ZFAT: variants seen among roughly 807,000 people sequenced by gnomAD.
ZFAT encodes zinc finger protein ZFAT.
In ZFAT, 64 loss-of-function variants were observed where a neutral mutation model predicts 117.7. The observed-to-expected ratio is 0.54, with a 90% CI of 0.44 to 0.67. The LOEUF (loss-of-function observed/expected upper bound fraction) is 0.67, where lower values mean the gene tolerates loss of function less well. Ranked by LOEUF, ZFAT falls within the 30% of genes least tolerant of loss-of-function variation. The pLI, the probability that ZFAT is intolerant of heterozygous loss-of-function variation, is 0.00. For missense variants in ZFAT, 1,433 were observed against 1,584.5 expected (o/e 0.90, Z 1.62); for synonymous variants, 679 against 615.0 (o/e 1.10, Z -1.54).
chr8:134,705,125 A>T (rs756975078), intron 1 of ZFAT, among the ~76,000 whole-genome samples: 1 of 152,190 alleles, frequency 6.6e-6, no homozygotes. Flanking sequence ...ACAACAAAAG[A>T]CAAATATCCA....
the ZFAT span, among the ~76,000 whole-genome samples, chr8:134,774,629 G>A: frequency 1.4e-4 from 22 of 152,284 alleles, no homozygotes; most frequent in East Asian, 4.0e-3. Context: ...ACAGTATATT[G>A]TAAATTTAAC....
intron 15 of ZFAT, among the ~76,000 whole-genome samples, chr8:134,507,859 T>C (rs1416537262): frequency 6.6e-6 from 1 of 152,130 alleles, no homozygotes; most frequent in Non-Finnish European, 1.5e-5. Flanking sequence ...CCTGATACCA[T>C]CCCAGAGAGA....
intron 1 of ZFAT, among the ~76,000 whole-genome samples, chr8:134,670,874 A>C (rs1832528620): frequency 6.6e-6 from 1 of 152,230 alleles, no homozygotes; most frequent in South Asian, 2.1e-4. Flanking sequence ...ATAAAGAAGA[A>C]AACAGAGAAG....
chr8:134,794,904 G>C, the ZFAT span: 2 of 152,226 alleles, frequency 1.3e-5, no homozygotes, highest in Non-Finnish European at 2.9e-5. Flanking sequence ...AAACAACTTT[G>C]TTGCTAGCAC....
the ZFAT span, chr8:134,793,945 A>G: frequency 6.6e-6 from 1 of 152,234 alleles, no homozygotes; most frequent in South Asian, 2.1e-4. Context: ...AATTTACAAG[A>G]CTATAACATT....
Position 134,600,686 on chromosome 8 carries a change from CAT to C in ZFAT, c.2243-20_2243-19del. The C allele has an allele frequency of 1.9e-6, 3 of 1,555,748 alleles. No individual in the cohort carries two copies. Among genetic ancestry groups the C allele is most frequent in the Non-Finnish European group, 8.7e-7 (1 of 1,150,856 alleles). ...AAGTTTGCCTAAAAAAATATTTTCA[CAT>C]GAGAACAAGGAAGTTTCATTTTGAC... On this transcript the variant is annotated intron_variant, in intron 6 of 15. Transcript: ENST00000377838.
chr8:134,822,856 G>C, the ZFAT span, among the ~76,000 whole-genome samples: 2 of 151,962 alleles, frequency 1.3e-5, no homozygotes, highest in Non-Finnish European at 2.9e-5. Flanking sequence ...ATTAAAAAGC[G>C]GCTTCATTGA....
chr8:134,717,645 G>A (rs1165794966), upstream of ZFAT, among the ~76,000 whole-genome samples: 1 of 149,906 alleles, frequency 6.7e-6, no homozygotes, highest in Non-Finnish European at 1.5e-5. Flanking sequence ...ACCACACCCG[G>A]CTAATTTTTT....
chr8:134,490,480 G>A (rs1817974062), intron 15 of ZFAT, among the ~76,000 whole-genome samples: 1 of 152,188 alleles, frequency 6.6e-6, no homozygotes, highest in South Asian at 2.1e-4. Context: ...GGCGATGTCT[G>A]GTCTACAGAA....
intron 1 of ZFAT, among the ~76,000 whole-genome samples, chr8:134,658,337 C>CAAAAAAAA (rs34770848): frequency 1.7e-4 from 20 of 117,986 alleles, no homozygotes; most frequent in Admixed American, 1.8e-4. Context: ...ATTCTGTCTC[C>CAAAAAAAA]AAAAAAAAAA....
chr8:134,727,949 T>C, the ZFAT span, among the ~76,000 whole-genome samples: 2 of 152,192 alleles, frequency 1.3e-5, no homozygotes, highest in African/African-American at 4.8e-5. Context: ...CTTGTTCTTT[T>C]AGCATTAGCT....
At position 134,591,834 on chromosome 8, in the gene ZFAT, C is replaced by A. The variant is rs564176603; in HGVS notation, c.2476-1479G>T. On this transcript the variant is annotated intron_variant, in intron 7 of 15. Transcript: ENST00000377838. ...GAGAGGCATGGACCACATCCTCCCCCACAGCCCTCAGGAGGAAGCGGCCCT... is the reference window on the plus strand; with the variant it reads ...GAGAGGCATGGACCACATCCTCCCCAACAGCCCTCAGGAGGAAGCGGCCCT... 8.5e-5 allele frequency among the ~76,000 whole-genome samples: 13 copies of A among 152,292 alleles called. No individual in the cohort carries two copies. The South Asian group carries it at 2.3e-3, about 27-fold the overall frequency.
chr8:134,649,203 C>CACA (rs35498428), intron 2 of ZFAT, among the ~76,000 whole-genome samples: 7,643 of 143,774 alleles, frequency 0.053, 266 homozygotes, highest in Middle Eastern at 0.094. Flanking sequence ...ACACACACAC[C>CACA]CCATCATACT....
At chr8:134,590,423 T>C in intron 7 of ZFAT, 68 bp from the exon 8 acceptor site, 1 of 1,323,100 alleles carries the variant, frequency 7.6e-7, no homozygotes, top group Non-Finnish European at 1.1e-6. Flanking sequence ...AAAATAACCA[T>C]CATCATCACC....
intron 1 of ZFAT, among the ~76,000 whole-genome samples, chr8:134,661,503 C>G (rs1831929654): frequency 6.6e-6 from 1 of 152,216 alleles, no homozygotes; most frequent in Admixed American, 6.5e-5. Flanking sequence ...ATGGCTCCCC[C>G]TAGAATGTGA....
chr8:134,753,736 A>G, the ZFAT span, among the ~76,000 whole-genome samples: 24 of 152,246 alleles, frequency 1.6e-4, no homozygotes, highest in Non-Finnish European at 2.9e-5. Flanking sequence ...TAAAATAAAC[A>G]AAATATTAAA....
At position 134,712,853 on chromosome 8, in the gene ZFAT, C is replaced by G; in HGVS notation, c.11G>C (p.Arg4Pro). 6.6e-7 allele frequency: 1 copy of G among 1,505,226 alleles called. No individual in the cohort carries two copies. Among genetic ancestry groups the G allele is most frequent in the Non-Finnish European group, 8.9e-7 (1 of 1,128,364 alleles). 93.2% of individuals were successfully genotyped at this position (1,505,226 alleles called of 1,614,324 possible). MET[R>P]AAENTAIFMC... is the part of the protein sequence containing the mutation. ...CCCCCAGCCCGGCTCACCTGCCGCC[C>G]GCGTCTCCATGGCAACGCCCCACCG... Residue 4 changes from arginine (R) to proline (P), a missense_variant, in exon 1 of 16, where the codon CGG becomes CCG. By Grantham distance (103) the Arg-to-Pro change is moderately radical. This residue lies in a region of ZFAT where 436 missense variants were observed against 482.0 expected (regional missense o/e 0.90). Transcript: ENST00000377838.
chr8:134,725,331 T>C, the ZFAT span, among the ~76,000 whole-genome samples: 1 of 152,146 alleles, frequency 6.6e-6, no homozygotes, highest in Admixed American at 6.5e-5. Flanking sequence ...ATAAAGAGGA[T>C]GAATTGGCTC....
chr8:134,637,202 A>T (rs1040064074), intron 3 of ZFAT, among the ~76,000 whole-genome samples: 24 of 152,372 alleles, frequency 1.6e-4, no homozygotes, highest in African/African-American at 5.5e-4. Context: ...GTGTTTTACC[A>T]TCCCTGCAAC....
Sources: allele counts gnomAD v4.1 joint callset (sites outside exome capture counted in the v4.1 genomes callset), GRCh38; gene constraint gnomAD v4.1.1; regional missense constraint gnomAD v4.1.1; transcripts MANE v1.5; gene names NCBI Gene and HGNC (gene_info 2026-07-23, HGNC 2026-07-21).